LRP2BP: variants seen among roughly 807,000 people sequenced by gnomAD.
LRP2BP encodes the protein LRP2 binding protein.
In LRP2BP, 38 loss-of-function variants were observed where a neutral mutation model predicts 45.2. That is an observed-to-expected ratio of 0.84 (90% CI 0.65 to 1.10). LRP2BP has a LOEUF of 1.10. LRP2BP is among the 50% of genes least tolerant of loss of function. The pLI is 0.00. For synonymous variants in LRP2BP, 153 were observed against 153.9 expected (o/e 0.99, Z 0.04); for missense variants, 385 against 418.9 (o/e 0.92, Z 0.71).
rs1554018327 is a variant in LRP2BP at position 185,375,491 on chromosome 4, T to TATATATATAC, written c.330+121_330+122insGTATATATAT. On this transcript the variant is annotated intron_variant, in intron 4 of 8. Coordinates refer to ENST00000505916, the MANE Select transcript of LRP2BP (RefSeq NM_001377440.1). ...AAAAAAAAAAAAAAAAAAAAAAATA[T>TATATATATAC]ATATATATATATATATATATATATG... is the stretch of plus-strand genomic sequence containing the variant. 3 of 28,198 alleles carry TATATATATAC rather than the reference T, an allele frequency of 1.1e-4. 1 individual carries two copies. The highest frequency in any genetic ancestry group is 1.6e-4 in the Non-Finnish European group (3 of 18,452). The allele number at this position is 28,198 out of a possible 1,614,324, so 1.7% of individuals were successfully genotyped here. A position where few individuals can be genotyped will look rare whatever the true frequency, so the allele number is the denominator to read the frequency against.
At chr4:185,372,141 G>A (rs2095418287) in intron 7 of LRP2BP, among the ~76,000 whole-genome samples, 1 of 152,160 alleles carries the variant, frequency 6.6e-6, no homozygotes, top group African/African-American at 2.4e-5. Flanking sequence ...TATTTCAGTG[G>A]TGCAGTTATA....
chr4:185,376,289 T>A (rs926272570), intron 3 of LRP2BP, among the ~76,000 whole-genome samples: 6 of 151,998 alleles, frequency 3.9e-5, no homozygotes, highest in African/African-American at 1.4e-4. Flanking sequence ...CAAACATACT[T>A]TTTTTTGAGA....
chr4:185,389,384 T>C (rs888757024), intron 1 of LRP2BP, among the ~76,000 whole-genome samples: 1 of 151,022 alleles, frequency 6.6e-6, no homozygotes, highest in Admixed American at 6.6e-5. Flanking sequence ...AATTTTTTTG[T>C]ATTTTTTAAT....
chr4:185,373,699 T>TA lies in LRP2BP; in HGVS notation c.579+435dup, dbSNP rs1217524682. ...GACTCAGCCCCCATTTCCTTCTCCT[T>TA]ATAGGATTTTTTGGAAACTGTTTCA... On this transcript the variant is annotated intron_variant, in intron 6 of 8. Coordinates refer to ENST00000505916, the MANE Select transcript of LRP2BP (RefSeq NM_001377440.1). Among the ~76,000 whole-genome samples, 3 of 152,320 alleles carry TA rather than the reference T, an allele frequency of 2.0e-5. No individual in the cohort carries two copies. In the East Asian group the frequency reaches 5.8e-4, roughly 29 times the overall value.
At chr4:185,397,023 T>C (rs531790608), upstream of LRP2BP, 14 of 1,610,632 alleles carry the variant, frequency 8.7e-6, no homozygotes, top group South Asian at 3.3e-5. Context: ...TTCTCGTTAA[T>C]GCGGGGACGG....
chr4:185,387,808 T>G (rs2095476041), intron 1 of LRP2BP, among the ~76,000 whole-genome samples: 1 of 152,116 alleles, frequency 6.6e-6, no homozygotes. Flanking sequence ...ACACCAGAGC[T>G]CGAGAAGCCA....
chr4:185,395,730 A>G lies in LRP2BP; in HGVS notation c.-973T>C. On this transcript the variant is annotated 5_prime_UTR_variant, in exon 1 of 9. Coordinates refer to ENST00000505916, the MANE Select transcript of LRP2BP (RefSeq NM_001377440.1). ...CTCTTACTACAAAACAAAAAGTAGA[A>G]TGAAAAGACCACTTATCTTTAGAGG... 1.0e-6 allele frequency: 1 copy of G among 985,486 alleles called. No individual in the cohort carries two copies. The highest frequency in any genetic ancestry group is 1.2e-6 in the Non-Finnish European group (1 of 829,936). The allele number at this position is 985,486 out of a possible 1,614,324, so 61.0% of individuals were successfully genotyped here.
At chr4:185,380,236 T>G (rs1333679307) in intron 1 of LRP2BP, among the ~76,000 whole-genome samples, 2 of 152,222 alleles carry the variant, frequency 1.3e-5, no homozygotes, top group African/African-American at 4.8e-5. Context: ...CGTCTTTTAT[T>G]AGCTCCCAAA....
Position 185,395,354 on chromosome 4 carries a change from A to G in LRP2BP, c.-597T>C, listed in dbSNP as rs931288965. On this transcript the variant is annotated 5_prime_UTR_variant, in exon 1 of 9. Coordinates refer to ENST00000505916, the MANE Select transcript of LRP2BP (RefSeq NM_001377440.1). ...GTTCAAAACTGTAAGAACGTGTCTG[A>G]TACCCTTTATTAGTTAGGAATTCCT... 3 of 985,312 alleles carry G rather than the reference A, an allele frequency of 3.0e-6. No homozygotes were observed. Among genetic ancestry groups the G allele is most frequent in the African/African-American group, 3.5e-5 (2 of 57,252 alleles). The allele number at this position is 985,312 out of a possible 1,614,324, so 61.0% of individuals were successfully genotyped here.
rs547930546 is a variant in LRP2BP, at chr4:185,391,532, A to G, written c.-22+3247T>C. ...TATTTATTTATTCATTCAGTTGTTT[A>G]TATCAGTATAGACTCATGGATAACT... On this transcript the variant is annotated intron_variant, in intron 1 of 8. Coordinates refer to ENST00000505916, the MANE Select transcript of LRP2BP (RefSeq NM_001377440.1). Among the ~76,000 whole-genome samples the G allele has an allele frequency of 3.9e-5, 6 of 152,314 alleles. No homozygotes were observed. In the East Asian group the frequency reaches 9.6e-4, roughly 24 times the overall value.
At chr4:185,385,910 G>C (rs868012503) in intron 1 of LRP2BP, among the ~76,000 whole-genome samples, 3 of 81,952 alleles carry the variant, frequency 3.7e-5, no homozygotes, top group South Asian at 9.3e-4. Flanking sequence ...CGGGGAGGGG[G>C]GGGGGGAGAT....
In LRP2BP at chr4:185,367,040, A is replaced by C; in HGVS notation, c.*140T>G. On this transcript the variant is annotated 3_prime_UTR_variant, in exon 9 of 9. Coordinates refer to ENST00000505916, the MANE Select transcript of LRP2BP (RefSeq NM_001377440.1). ...CAAAACTTAACAGCGTACGAATTCAAGAACGAAGTAACATGTCACCTGTAA... is the reference window on the plus strand; with the variant it reads ...CAAAACTTAACAGCGTACGAATTCACGAACGAAGTAACATGTCACCTGTAA... 1 of 767,412 alleles carries C rather than the reference A, an allele frequency of 1.3e-6. No individual in the cohort carries two copies. Among genetic ancestry groups the C allele is most frequent in the Non-Finnish European group, 2.1e-6 (1 of 469,848 alleles). The allele number at this position is 767,412 out of a possible 1,614,324, so 47.5% of individuals were successfully genotyped here.
At chr4:185,383,329 A>C (rs2095460969) in intron 1 of LRP2BP, among the ~76,000 whole-genome samples, 1 of 152,084 alleles carries the variant, frequency 6.6e-6, no homozygotes, top group Non-Finnish European at 1.5e-5. Flanking sequence ...AAAATAAAAA[A>C]ATTAGCCAGG....
chr4:185,394,481 G>A (rs1223297763), intron 1 of LRP2BP, among the ~76,000 whole-genome samples: 1 of 152,134 alleles, frequency 6.6e-6, no homozygotes, highest in Non-Finnish European at 1.5e-5. Context: ...GTAAAATGCA[G>A]ATAATACCTA....
intron 1 of LRP2BP, among the ~76,000 whole-genome samples, chr4:185,385,279 T>C (rs1014910209): frequency 6.6e-6 from 1 of 152,142 alleles, no homozygotes; most frequent in Non-Finnish European, 1.5e-5. Context: ...GAGCCGATAC[T>C]GTTACAGTTA....
chr4:185,395,951 G>A, upstream of LRP2BP: 1 of 960,232 alleles, frequency 1.0e-6, no homozygotes. Flanking sequence ...GTCAGTAGCT[G>A]CCATCGGAAG....
Position 185,378,075 on chromosome 4 carries a change from T to A in LRP2BP, c.106+6A>T, listed in dbSNP as rs1370946946. On this transcript the variant is annotated splice_donor_region_variant and intron_variant, in intron 2 of 8. Transcript: ENST00000505916. ...CCAAGGGAAGCTTAAATATCAGGAT[T>A]TGTACCAGTCTTTTCCTTTTTCCAC... 5.0e-6 allele frequency: 8 copies of A among 1,606,576 alleles called. No individual in the cohort carries two copies. The highest frequency in any genetic ancestry group is 6.8e-6 in the Non-Finnish European group (8 of 1,174,182).
rs1579957096 is a variant in LRP2BP at position 185,366,607 on chromosome 4, A to G, written c.*573T>C. The G allele has an allele frequency of 6.6e-6, 1 of 152,216 alleles. No individual in the cohort carries two copies. Among genetic ancestry groups the G allele is most frequent in the Non-Finnish European group, 1.5e-5 (1 of 68,040 alleles). The allele number at this position is 152,216 out of a possible 1,614,324, so 9.4% of individuals were successfully genotyped here. A position where few individuals can be genotyped will look rare whatever the true frequency, so the allele number is the denominator to read the frequency against. On this transcript the variant is annotated 3_prime_UTR_variant, in exon 9 of 9. Transcript: ENST00000505916. ...CAGTTTTAGCTTTAATAACTTCAGA[A>G]GTAGAAATGCTGCACACACTTATTT...
chr4:185,382,065 C>G (rs187908866), intron 1 of LRP2BP, among the ~76,000 whole-genome samples: 2 of 152,162 alleles, frequency 1.3e-5, no homozygotes, highest in East Asian at 3.8e-4. Context: ...CACTAATCTA[C>G]TTTCTGTCTC....
Sources: gnomAD v4.1 joint callset for allele counts (sites outside exome capture counted in the v4.1 genomes callset) on GRCh38, gnomAD v4.1.1 for gene constraint, MANE v1.5 for transcripts, NCBI Gene and HGNC (gene_info 2026-07-23, HGNC 2026-07-21) for gene names.